Variants in LAMA3 observed in about 807,000 individuals in gnomAD.
LAMA3 encodes the protein laminin subunit alpha-3.
In LAMA3, 281 loss-of-function variants were observed where a neutral mutation model predicts 402.0. That is an observed-to-expected ratio of 0.70 (90% CI 0.63 to 0.77). LAMA3 has a LOEUF of 0.77. LAMA3 is among the 30% of genes least tolerant of loss of function. The pLI, the probability that LAMA3 is intolerant of heterozygous loss-of-function variation, is 0.00. For missense variants in LAMA3, 3,840 were observed against 4,215.5 expected (o/e 0.91, Z 2.47); for synonymous variants, 1,431 against 1,558.4 (o/e 0.92, Z 1.93).
rs894596951 is a variant in LAMA3, at chr18:23,899,189, A to G, written c.5837-99A>G. 16 of 1,300,326 alleles carry G rather than the reference A, an allele frequency of 1.2e-5. No individual in the cohort carries two copies. In the South Asian group the frequency reaches 1.7e-4, roughly 14 times the overall value. The allele number at this position is 1,300,326 out of a possible 1,614,324, so 80.5% of individuals were successfully genotyped here. A position where few individuals can be genotyped will look rare whatever the true frequency, so the allele number is the denominator to read the frequency against. On this transcript the variant is annotated intron_variant, in intron 46 of 74. Transcript: ENST00000313654. ...AATCCCATAGTGATACTAAAAAACT[A>G]ATATAAAATCTCCATAGAAGTTTCT...
At chr18:23,848,353 G>T (rs1321301786) in intron 32 of LAMA3, among the ~76,000 whole-genome samples, 1 of 152,206 alleles carries the variant, frequency 6.6e-6, no homozygotes, top group African/African-American at 2.4e-5. Context: ...GTTTGATTCA[G>T]AGGCTGCATT....
At chr18:23,803,920 T>A (rs1316439113) in intron 12 of LAMA3, among the ~76,000 whole-genome samples, 1 of 152,224 alleles carries the variant, frequency 6.6e-6, no homozygotes, top group Admixed American at 6.5e-5. Flanking sequence ...TGTGGCGTTC[T>A]TTGCATAGCT....
intron 55 of LAMA3, among the ~76,000 whole-genome samples, chr18:23,911,525 T>A (rs1462512045): frequency 6.6e-6 from 1 of 152,026 alleles, no homozygotes; most frequent in Non-Finnish European, 1.5e-5. Context: ...TTGTCTACTT[T>A]GTTTTTTTTA....
chr18:23,899,230 T>A (rs1599037700), intron 46 of LAMA3, 58 bp from the exon 47 acceptor site: 6 of 1,439,220 alleles, frequency 4.2e-6, no homozygotes, highest in South Asian at 2.5e-5. Context: ...TTTTTTTTTT[T>A]AAGTAGCCTA....
chr18:23,881,003 G>C (rs1471352138), intron 39 of LAMA3, among the ~76,000 whole-genome samples: 6 of 152,118 alleles, frequency 3.9e-5, no homozygotes, highest in African/African-American at 1.4e-4. Flanking sequence ...ACTTATTCCA[G>C]CCCATAAAAT....
chr18:23,856,827 A>G (rs1041706263), intron 32 of LAMA3, among the ~76,000 whole-genome samples: 7 of 151,860 alleles, frequency 4.6e-5, no homozygotes, highest in African/African-American at 1.2e-4. Flanking sequence ...GTTCCCAGAA[A>G]CCTCACCCCA....
chr18:23,854,019 C>G (rs550901918), intron 32 of LAMA3, among the ~76,000 whole-genome samples: 5 of 152,184 alleles, frequency 3.3e-5, no homozygotes, highest in Non-Finnish European at 5.9e-5. Context: ...TTTGGTTCAC[C>G]CTGGCCTAGC....
At chr18:23,849,588 CTTG>C (rs1167349624) in intron 32 of LAMA3, among the ~76,000 whole-genome samples, 4 of 152,200 alleles carry the variant, frequency 2.6e-5, no homozygotes, top group African/African-American at 9.7e-5. Flanking sequence ...ATGTTTTAAT[CTTG>C]TTAAGGCACC....
At chr18:23,947,229 C>T (rs777886340) in intron 70 of LAMA3, among the ~76,000 whole-genome samples, 11 of 152,228 alleles carry the variant, frequency 7.2e-5, no homozygotes, top group Non-Finnish European at 1.3e-4. Flanking sequence ...CCTGCCACAG[C>T]GTTAATTGCA....
chr18:23,788,128 T>A (rs2062581953), intron 12 of LAMA3, among the ~76,000 whole-genome samples: 1 of 151,926 alleles, frequency 6.6e-6, no homozygotes, highest in Non-Finnish European at 1.5e-5. Context: ...AAAGGATAAA[T>A]AGAGTTTATA....
chr18:23,747,599 C>T (rs1184244499), intron 2 of LAMA3, among the ~76,000 whole-genome samples: 3 of 152,106 alleles, frequency 2.0e-5, no homozygotes, highest in Admixed American at 6.5e-5. Flanking sequence ...GGGTTTAGCA[C>T]GTAATGACTA....
At chr18:23,731,958 G>T (rs2061401737) in intron 2 of LAMA3, among the ~76,000 whole-genome samples, 2 of 152,180 alleles carry the variant, frequency 1.3e-5, no homozygotes, top group African/African-American at 4.8e-5. Context: ...ATGGCTTTAG[G>T]AGAGGTAAGA....
In LAMA3 at chr18:23,847,534, G is replaced by A. The variant is rs780515815; in HGVS notation, c.4002G>A (p.Arg1334=). Residue 1334 remains arginine (R), a synonymous_variant, in exon 32 of 75, where the codon AGG becomes AGA. Coordinates refer to ENST00000313654, the MANE Select transcript of LAMA3 (RefSeq NM_198129.4). Reference sequence around the variant, plus strand: ...GCCGCTGCCCTCCCCGCACGGTCAGGCCCCAGTGTGAGGTGTGTGAGACAC... The same window carrying A: ...GCCGCTGCCCTCCCCGCACGGTCAGACCCCAGTGTGAGGTGTGTGAGACAC... ...GQCRCPPRTV[R]PQCEVCETHS... The A allele has an allele frequency of 1.2e-6, 2 of 1,614,052 alleles. No homozygotes were observed. Among genetic ancestry groups the A allele is most frequent in the South Asian group, 1.1e-5 (1 of 91,090 alleles).
At chr18:23,728,095 T>C (rs1319784869) in intron 2 of LAMA3, among the ~76,000 whole-genome samples, 1 of 152,208 alleles carries the variant, frequency 6.6e-6, no homozygotes, top group Admixed American at 6.5e-5. Context: ...AGGCCTCCTC[T>C]TCTCTGCTAC....
chr18:23,937,055 G>A (rs1285946861), intron 67 of LAMA3, among the ~76,000 whole-genome samples: 2 of 152,132 alleles, frequency 1.3e-5, no homozygotes, highest in Admixed American at 1.3e-4. Flanking sequence ...GCAAGCTACC[G>A]TAATCATCTA....
At chr18:23,862,407 C>T (rs1397485525) in intron 35 of LAMA3, among the ~76,000 whole-genome samples, 1 of 152,168 alleles carries the variant, frequency 6.6e-6, no homozygotes, top group Non-Finnish European at 1.5e-5. Context: ...CATGTGGAAA[C>T]ATGAGGTGAC....
In LAMA3 at chr18:23,940,999, C is replaced by T. The variant is rs1408487447; in HGVS notation, c.9026+1613C>T. On this transcript the variant is annotated intron_variant, in intron 68 of 74. Coordinates refer to ENST00000313654, the MANE Select transcript of LAMA3 (RefSeq NM_198129.4). The stretch of plus-strand genomic sequence containing the variant: ...TCACCCAGGCTGGAGTACAGTGGTG[C>T]GACTTGGCTCACTGCAACTTCCACC... Among the ~76,000 whole-genome samples, 13 of 148,690 alleles carry T rather than the reference C, an allele frequency of 8.7e-5. 1 individual carries two copies. The highest frequency in any genetic ancestry group is 3.9e-4 in the East Asian group (2 of 5,088).
At chr18:23,744,471 A>G (rs1172547240) in intron 2 of LAMA3, among the ~76,000 whole-genome samples, 1 of 152,146 alleles carries the variant, frequency 6.6e-6, no homozygotes, top group African/African-American at 2.4e-5. Flanking sequence ...GGGTGGCAGG[A>G]TACTGTAACA....
chr18:23,765,343 C>T (rs1464932296), intron 8 of LAMA3, among the ~76,000 whole-genome samples: 1 of 152,098 alleles, frequency 6.6e-6, no homozygotes, highest in Non-Finnish European at 1.5e-5. Context: ...TCTGACTGAC[C>T]CCTCAGTCCG....
Sources: allele counts gnomAD v4.1 joint callset (sites outside exome capture counted in the v4.1 genomes callset), GRCh38; gene constraint gnomAD v4.1.1; transcripts MANE v1.5; gene names NCBI Gene and HGNC (gene_info 2026-07-23, HGNC 2026-07-21).